Variants in KIF24 observed in about 807,000 individuals in gnomAD.
KIF24 encodes kinesin family member 24.
Under a neutral mutation model 118.9 loss-of-function variants are expected in KIF24, and 81 were observed. The observed-to-expected ratio is 0.68, with a 90% confidence interval of 0.57 to 0.82. The LOEUF is 0.82. KIF24 is among the 40% of genes least tolerant of loss of function. The pLI is 0.00. For synonymous variants in KIF24, 599 were observed against 610.0 expected (o/e 0.98, Z 0.27); for missense variants, 1,560 against 1,661.6 (o/e 0.94, Z 1.06).
intron 6 of KIF24, among the ~76,000 whole-genome samples, chr9:34,284,752 CAG>C (rs1001844321): frequency 2.9e-4 from 44 of 152,096 alleles, no homozygotes; most frequent in African/African-American, 9.9e-4. Flanking sequence ...GAAAGTCACA[CAG>C]GGGGTTTGTA....
Position 34,315,536 on chromosome 9 carries a change from T to C in KIF24, c.-25-4165A>G, listed in dbSNP as rs188669965. Among the ~76,000 whole-genome samples the C allele has an allele frequency of 2.1e-4, 32 of 152,342 alleles. 1 individual carries two copies. Among genetic ancestry groups the C allele is most frequent in the Admixed American group, 2.0e-3 (30 of 15,296 alleles). ...GATGATAAAACTGATACGGCATTTA[T>C]GACATACATACTCATTTTTAAAAAA... On this transcript the variant is annotated intron_variant, in intron 1 of 12. Coordinates refer to ENST00000402558, the MANE Select transcript of KIF24 (RefSeq NM_194313.4).
chr9:34,327,826 C>T (rs558015806), intron 1 of KIF24, among the ~76,000 whole-genome samples: 32 of 115,926 alleles, frequency 2.8e-4, no homozygotes, highest in African/African-American at 8.5e-4. Flanking sequence ...CAGAGCAAGA[C>T]ATTTTCTCTA....
chr9:34,323,765 G>A (rs149756312), intron 1 of KIF24, among the ~76,000 whole-genome samples: 5 of 152,178 alleles, frequency 3.3e-5, no homozygotes, highest in East Asian at 3.9e-4. Flanking sequence ...AGCAAAGAAC[G>A]ACTAAAACAA....
intron 5 of KIF24, among the ~76,000 whole-genome samples, chr9:34,287,293 T>C (rs1836087090): frequency 6.6e-6 from 1 of 152,204 alleles, no homozygotes; most frequent in Non-Finnish European, 1.5e-5. Flanking sequence ...TTCCAGTTAT[T>C]TGAGCCAATG....
intron 5 of KIF24, 36 bp from the exon 6 acceptor site, chr9:34,286,740 T>TAA (rs1419333695): frequency 2.1e-6 from 3 of 1,407,870 alleles, no homozygotes; most frequent in Admixed American, 1.7e-5. Context: ...ATGATGGTGC[T>TAA]ACTAAAACAG....
intron 6 of KIF24, among the ~76,000 whole-genome samples, chr9:34,281,310 G>A (rs1325320376): frequency 6.6e-6 from 1 of 152,142 alleles, no homozygotes; most frequent in Non-Finnish European, 1.5e-5. Flanking sequence ...ACAGGCGTAA[G>A]CCACCATGCC....
In KIF24 at chr9:34,302,395, C is replaced by T. The variant is rs968088859; in HGVS notation, c.813+3857G>A. Among the ~76,000 whole-genome samples, 12 of 152,124 alleles carry T rather than the reference C, an allele frequency of 7.9e-5. No individual in the cohort carries two copies. In the East Asian group the frequency reaches 2.3e-3, roughly 29 times the overall value. The stretch of plus-strand genomic sequence containing the variant: ...CACAGCTTACTATAGTCTCAACCTC[C>T]CAGGCTCAAGTGATCCTCCCACCTC... On this transcript the variant is annotated intron_variant, in intron 3 of 12. Coordinates refer to ENST00000402558, the MANE Select transcript of KIF24 (RefSeq NM_194313.4).
chr9:34,324,283 C>T (rs542268586), intron 1 of KIF24, among the ~76,000 whole-genome samples: 7 of 152,286 alleles, frequency 4.6e-5, no homozygotes, highest in African/African-American at 7.2e-5. Context: ...ATTCATTATA[C>T]CTCCTGACAA....
chr9:34,327,771 G>A (rs924369439), intron 1 of KIF24, among the ~76,000 whole-genome samples: 6 of 151,904 alleles, frequency 3.9e-5, no homozygotes, highest in African/African-American at 1.2e-4. Context: ...GGCGTTCAAG[G>A]CTGCGGTGAG....
intron 6 of KIF24, 55 bp downstream of exon 6, chr9:34,286,562 G>T (rs1175929939): frequency 7.8e-7 from 1 of 1,283,644 alleles, no homozygotes. Flanking sequence ...AAATGAATTT[G>T]TTCCCTGTAC....
chr9:34,300,820 T>C lies in KIF24; in HGVS notation c.814-3706A>G, dbSNP rs558663568. 7.1e-5 allele frequency among the ~76,000 whole-genome samples: 10 copies of C among 141,808 alleles called. No individual in the cohort carries two copies. The South Asian group carries it at 1.7e-3, about 25-fold the overall frequency. 93.0% of individuals were successfully genotyped at this position (141,808 alleles called of 152,430 possible). A position where few individuals can be genotyped will look rare whatever the true frequency, so the allele number is the denominator to read the frequency against. Reference sequence around the variant, plus strand: ...AAGAAACCCACTAGATCTATAGTTATCTATAGATGTGGATATATTCGGCAT... The same window carrying C: ...AAGAAACCCACTAGATCTATAGTTACCTATAGATGTGGATATATTCGGCAT... On this transcript the variant is annotated intron_variant, in intron 3 of 12. Transcript: ENST00000402558.
At position 34,256,156 on chromosome 9, in the gene KIF24, C is replaced by T; in HGVS notation, c.3451G>A (p.Gly1151Arg). 2 of 1,606,188 alleles carry T rather than the reference C, an allele frequency of 1.2e-6. No individual in the cohort carries two copies. Among genetic ancestry groups the T allele is most frequent in the South Asian group, 2.2e-5 (2 of 90,448 alleles). Residue 1151 changes from glycine (G) to arginine (R), a missense_variant, in exon 11 of 13, where the codon GGA (glycine) becomes AGA (arginine). Gly to Arg is a moderately radical substitution (Grantham distance 125). Coordinates refer to ENST00000402558, the MANE Select transcript of KIF24 (RefSeq NM_194313.4). ...DKLPSREADLGEACQSRETVL... is the reference protein window; with the variant it reads ...DKLPSREADLREACQSRETVL... ...GTCTCTCTGCTCTGGCAGGCCTCTCCTAGGTCTGCCTCCCTGCTGGGCAGC... is the reference window on the plus strand; with the variant it reads ...GTCTCTCTGCTCTGGCAGGCCTCTCTTAGGTCTGCCTCCCTGCTGGGCAGC...
At position 34,271,685 on chromosome 9, in the gene KIF24, C is replaced by G. The variant is rs1835513625; in HGVS notation, c.1337+124G>C. 32 of 983,862 alleles carry G rather than the reference C, an allele frequency of 3.3e-5. No homozygotes were observed. The South Asian group carries it at 5.5e-4, about 17-fold the overall frequency. 60.9% of individuals were successfully genotyped at this position (983,862 alleles called of 1,614,324 possible). On this transcript the variant is annotated intron_variant, in intron 7 of 12. Coordinates refer to ENST00000402558, the MANE Select transcript of KIF24 (RefSeq NM_194313.4). ...ATGATTTATTTCAGGGCTAACAACT[C>G]TACTCTGTATCCCTGCAATGAAGAA... is the stretch of plus-strand genomic sequence containing the variant.
At chr9:34,288,836 C>G (rs1216322033) in intron 5 of KIF24, among the ~76,000 whole-genome samples, 1 of 146,398 alleles carries the variant, frequency 6.8e-6, no homozygotes, top group Non-Finnish European at 1.5e-5. Context: ...AACCTCCCTT[C>G]ACCCAAATAA....
At chr9:34,290,728 TA>T (rs1292187301) in intron 4 of KIF24, among the ~76,000 whole-genome samples, 6 of 151,928 alleles carry the variant, frequency 3.9e-5, no homozygotes, top group Admixed American at 1.3e-4. Flanking sequence ...GCTTCCTGAG[TA>T]GCTGGAAGTA....
chr9:34,289,588 A>G (rs1175926254), intron 5 of KIF24, among the ~76,000 whole-genome samples: 2 of 152,220 alleles, frequency 1.3e-5, no homozygotes, highest in African/African-American at 4.8e-5. Flanking sequence ...CATCTGTTTC[A>G]ACCTAAACAA....
At chr9:34,289,699 A>T (rs1020630122) in intron 5 of KIF24, among the ~76,000 whole-genome samples, 24 of 152,252 alleles carry the variant, frequency 1.6e-4, no homozygotes, top group Non-Finnish European at 3.2e-4. Flanking sequence ...TTTAAGCCTA[A>T]CAAGGGTTAA....
intron 4 of KIF24, among the ~76,000 whole-genome samples, chr9:34,294,744 T>C (rs993922440): frequency 6.6e-6 from 1 of 152,228 alleles, no homozygotes; most frequent in African/African-American, 2.4e-5. Flanking sequence ...AACATTATGT[T>C]AAGCATATAA....
intron 1 of KIF24, among the ~76,000 whole-genome samples, chr9:34,322,866 A>G (rs912055566): frequency 2.0e-5 from 3 of 152,202 alleles, no homozygotes; most frequent in African/African-American, 4.8e-5. Context: ...CAAAAAACAA[A>G]TTAAAGAAAC....
Sources: allele counts gnomAD v4.1 joint callset (sites outside exome capture counted in the v4.1 genomes callset), GRCh38; gene constraint gnomAD v4.1.1; transcripts MANE v1.5; gene names NCBI Gene and HGNC (gene_info 2026-07-23, HGNC 2026-07-21).